Variants in CCSER1 observed in about 807,000 individuals in gnomAD.
CCSER1 encodes coiled-coil serine rich protein 1.
In CCSER1, 41 loss-of-function variants were observed where a neutral mutation model predicts 82.0. That is an observed-to-expected ratio of 0.50 (90% CI 0.39 to 0.65). CCSER1 has a LOEUF of 0.65. Among genes scored for constraint, CCSER1 ranks in the 30% least tolerant of loss-of-function variants. The pLI, the probability that CCSER1 is intolerant of heterozygous loss-of-function variation, is 0.00. For missense variants in CCSER1, 1,119 were observed against 1,064.2 expected (o/e 1.05, Z -0.72); for synonymous variants, 414 against 383.9 (o/e 1.08, Z -0.92).
intron 1 of CCSER1, among the ~76,000 whole-genome samples, chr4:90,143,777 C>T (rs1287143390): frequency 2.0e-5 from 3 of 151,160 alleles, no homozygotes; most frequent in East Asian, 1.9e-4. Context: ...CTTGAACTCC[C>T]GGGCTCAAGC....
intron 10 of CCSER1, among the ~76,000 whole-genome samples, chr4:91,594,430 CAT>C (rs1553960029): frequency 2.0e-5 from 3 of 146,966 alleles, no homozygotes; most frequent in East Asian, 2.0e-4. Context: ...TACATATATA[CAT>C]ATACACACAT....
intron 8 of CCSER1, among the ~76,000 whole-genome samples, chr4:90,909,966 G>A (rs1173236446): frequency 6.6e-6 from 1 of 152,136 alleles, no homozygotes; most frequent in African/African-American, 2.4e-5. Context: ...TGGGTAATTT[G>A]TAAAGAATAG....
chr4:91,528,255 T>C (rs1268699531), intron 10 of CCSER1, among the ~76,000 whole-genome samples: 4 of 152,174 alleles, frequency 2.6e-5, no homozygotes, highest in Admixed American at 2.0e-4. Context: ...TTTCATATAA[T>C]GTATTTGCCC....
chr4:90,857,854 A>G (rs187319625), intron 8 of CCSER1, among the ~76,000 whole-genome samples: 35 of 152,230 alleles, frequency 2.3e-4, no homozygotes, highest in Non-Finnish European at 3.5e-4. Flanking sequence ...TATTGTATTC[A>G]GGATTTTTGC....
chr4:90,183,363 G>A (rs1734038069), intron 1 of CCSER1, among the ~76,000 whole-genome samples: 1 of 152,034 alleles, frequency 6.6e-6, no homozygotes, highest in African/African-American at 2.4e-5. Flanking sequence ...ACCTGATAAA[G>A]GTTTAGGTAC....
chr4:91,566,644 C>T (rs924210167), intron 10 of CCSER1, among the ~76,000 whole-genome samples: 7 of 151,980 alleles, frequency 4.6e-5, no homozygotes, highest in Non-Finnish European at 1.0e-4. Flanking sequence ...GGAATTTATC[C>T]ATCTCTTCTA....
chr4:91,499,417 C>G (rs1046727384), intron 10 of CCSER1, among the ~76,000 whole-genome samples: 1 of 151,966 alleles, frequency 6.6e-6, no homozygotes, highest in African/African-American at 2.4e-5. Context: ...AGCCACCCCA[C>G]TGTGGACATC....
At chr4:91,169,422 A>C (rs974546618) in intron 10 of CCSER1, among the ~76,000 whole-genome samples, 4 of 152,008 alleles carry the variant, frequency 2.6e-5, no homozygotes, top group Admixed American at 2.6e-4. Context: ...GGAGTTTGAA[A>C]CCAGCCTGGC....
chr4:90,804,056 GTTGT>G (rs1331074433), intron 7 of CCSER1, among the ~76,000 whole-genome samples: 1 of 152,058 alleles, frequency 6.6e-6, no homozygotes, highest in Non-Finnish European at 1.5e-5. Context: ...TTTTGATGGG[GTTGT>G]TTGTTTTTTT....
At chr4:90,390,150 T>C (rs1297553446) in intron 3 of CCSER1, among the ~76,000 whole-genome samples, 1 of 152,216 alleles carries the variant, frequency 6.6e-6, no homozygotes, top group African/African-American at 2.4e-5. Flanking sequence ...CAGGAATCAA[T>C]TTTGCAGAGG....
At chr4:90,227,799 G>C (rs1327042592) in intron 1 of CCSER1, among the ~76,000 whole-genome samples, 1 of 152,214 alleles carries the variant, frequency 6.6e-6, no homozygotes. Context: ...GCGAGGCATT[G>C]CCTCACTCGG....
intron 8 of CCSER1, among the ~76,000 whole-genome samples, chr4:90,902,520 A>G (rs926230522): frequency 6.6e-6 from 1 of 151,558 alleles, no homozygotes; most frequent in African/African-American, 2.4e-5. Context: ...TATGTTTTCT[A>G]TGATATTTTG....
chr4:90,236,546 A>G (rs895071344), intron 1 of CCSER1, among the ~76,000 whole-genome samples: 8 of 152,176 alleles, frequency 5.3e-5, no homozygotes, highest in African/African-American at 1.7e-4. Context: ...TTATATTTCT[A>G]TTCCACCTGG....
At chr4:90,175,354 AT>A in intron 1 of CCSER1, among the ~76,000 whole-genome samples, 1 of 151,974 alleles carries the variant, frequency 6.6e-6, no homozygotes, top group Non-Finnish European at 1.5e-5. Context: ...AAGGGGTAAG[AT>A]GTATGCTGGC....
intron 10 of CCSER1, among the ~76,000 whole-genome samples, chr4:91,092,020 T>C (rs1301949003): frequency 6.6e-6 from 1 of 152,152 alleles, no homozygotes; most frequent in African/African-American, 2.4e-5. Flanking sequence ...TGATATAATG[T>C]TTCATAAGGG....
At chr4:91,144,108 A>G (rs1729311182) in intron 10 of CCSER1, among the ~76,000 whole-genome samples, 2 of 151,720 alleles carry the variant, frequency 1.3e-5, no homozygotes, top group South Asian at 4.1e-4. Context: ...ATTCTTTGGT[A>G]GGTATTTTAA....
chr4:90,350,745 T>A (rs1045479437), intron 3 of CCSER1, among the ~76,000 whole-genome samples: 1 of 152,064 alleles, frequency 6.6e-6, no homozygotes, highest in Non-Finnish European at 1.5e-5. Flanking sequence ...CAAAGAGAAA[T>A]TTTAAAAGAT....
intron 9 of CCSER1, among the ~76,000 whole-genome samples, chr4:90,991,945 C>T (rs1737069779): frequency 6.6e-6 from 1 of 151,308 alleles, no homozygotes. Flanking sequence ...AGTTAATTGA[C>T]AAATCTAAAG....
At chr4:90,522,900 CTTAAA>C (rs920145078) in intron 5 of CCSER1, among the ~76,000 whole-genome samples, 4 of 152,044 alleles carry the variant, frequency 2.6e-5, no homozygotes, top group African/African-American at 9.7e-5. Context: ...CTTCTATTGA[CTTAAA>C]TTAAGTCTCT....
Sources: gnomAD v4.1 joint callset for allele counts (sites outside exome capture counted in the v4.1 genomes callset) on GRCh38, gnomAD v4.1.1 for gene constraint, MANE v1.5 for transcripts, NCBI Gene and HGNC (gene_info 2026-07-23, HGNC 2026-07-21) for gene names.